The following SMYD3 variants were observed in gnomAD, a reference collection of about 807,000 sequenced individuals.
SMYD3 encodes the protein histone-lysine N-methyltransferase SMYD3.
Under a neutral mutation model 57.7 loss-of-function variants are expected in SMYD3, and 36 were observed. That is an observed-to-expected ratio of 0.62 (90% confidence interval 0.48 to 0.82). The LOEUF (loss-of-function observed/expected upper bound fraction) is 0.82, where lower values mean the gene tolerates loss of function less well. Among genes scored for constraint, SMYD3 ranks in the 40% least tolerant of loss-of-function variants. The pLI is 0.00. For synonymous variants in SMYD3, 211 were observed against 195.0 expected (o/e 1.08, Z -0.68); for missense variants, 515 against 538.8 (o/e 0.96, Z 0.44).
intron 1 of SMYD3, among the ~76,000 whole-genome samples, chr1:246,447,092 T>G (rs2067560642): frequency 1.3e-5 from 2 of 152,182 alleles, no homozygotes; most frequent in Non-Finnish European, 1.5e-5. Context: ...AGAGCAAGTT[T>G]TATATTTTAA....
At chr1:246,445,583 T>C (rs2103024231) in intron 1 of SMYD3, among the ~76,000 whole-genome samples, 2 of 152,018 alleles carry the variant, frequency 1.3e-5, no homozygotes, top group Non-Finnish European at 2.9e-5. Flanking sequence ...ATGCCCGGGG[T>C]CTAAAAACAT....
chr1:246,425,202 G>A (rs376612303), intron 1 of SMYD3, among the ~76,000 whole-genome samples: 5 of 152,018 alleles, frequency 3.3e-5, no homozygotes, highest in Admixed American at 1.3e-4. Context: ...AAGCACATGC[G>A]GTGAGTGGTA....
At chr1:246,069,251 G>A (rs2060401460) in intron 5 of SMYD3, among the ~76,000 whole-genome samples, 1 of 152,132 alleles carries the variant, frequency 6.6e-6, no homozygotes, top group Admixed American at 6.6e-5. Context: ...AAATCAAAAT[G>A]TTTTAATTTG....
chr1:246,397,627 G>C (rs1250559350), intron 1 of SMYD3, among the ~76,000 whole-genome samples: 1 of 152,128 alleles, frequency 6.6e-6, no homozygotes. Context: ...GGTTCTTCTT[G>C]CCTGCTGCAC....
intron 5 of SMYD3, among the ~76,000 whole-genome samples, chr1:246,205,622 C>T (rs978805441): frequency 2.6e-5 from 4 of 151,698 alleles, no homozygotes; most frequent in African/African-American, 9.8e-5. Flanking sequence ...GAGTTTGAGA[C>T]CAGTCTGGCC....
chr1:246,495,960 C>T (rs1388124409), intron 1 of SMYD3, among the ~76,000 whole-genome samples: 1 of 117,310 alleles, frequency 8.5e-6, no homozygotes. Flanking sequence ...GAGACTTCAC[C>T]TCAAAAAATA....
At chr1:246,103,382 CT>C (rs982384753) in intron 5 of SMYD3, among the ~76,000 whole-genome samples, 2 of 151,974 alleles carry the variant, frequency 1.3e-5, no homozygotes, top group Non-Finnish European at 2.9e-5. Context: ...CAAAAATTAT[CT>C]GTATCTTCAT....
At chr1:246,427,746 C>T (rs1354802515) in intron 1 of SMYD3, among the ~76,000 whole-genome samples, 2 of 151,738 alleles carry the variant, frequency 1.3e-5, no homozygotes, top group Admixed American at 1.3e-4. Flanking sequence ...CCCAGCTGCT[C>T]AGGAAGCTGA....
chr1:245,929,959 T>C, intron 5 of SMYD3, 22 bp from the exon 6 acceptor site: 1 of 1,601,538 alleles, frequency 6.2e-7, no homozygotes, highest in Non-Finnish European at 8.6e-7. Context: ...AGGGGAACCA[T>C]CAGTATTACT....
In SMYD3 at chr1:246,433,408, C is replaced by A. The variant is rs532458494; in HGVS notation, c.164+73646G>T. On this transcript the variant is annotated intron_variant, in intron 1 of 11. Coordinates refer to ENST00000490107, the MANE Select transcript of SMYD3 (RefSeq NM_001167740.2). ...ACTCGCGGTGGCTCACGCCTGTAAT[C>A]CCAGCACTTTGGGAGGCCAAGGTGG... Among the ~76,000 whole-genome samples, 11 of 152,296 alleles carry A rather than the reference C, an allele frequency of 7.2e-5. No homozygotes were observed. The East Asian group carries it at 7.7e-4, about 11-fold the overall frequency.
chr1:246,055,664 A>T (rs2060139434), intron 5 of SMYD3, among the ~76,000 whole-genome samples: 2 of 152,218 alleles, frequency 1.3e-5, no homozygotes, highest in Admixed American at 1.3e-4. Context: ...ATGCAATATT[A>T]TTCAGCCTTA....
intron 5 of SMYD3, among the ~76,000 whole-genome samples, chr1:246,040,457 G>T (rs2059849431): frequency 6.6e-6 from 1 of 152,218 alleles, no homozygotes; most frequent in Admixed American, 6.5e-5. Context: ...TCTCTTAGAA[G>T]AAGTATCTCA....
intron 10 of SMYD3, among the ~76,000 whole-genome samples, chr1:245,779,051 T>C (rs905273524): frequency 6.6e-6 from 1 of 151,414 alleles, no homozygotes; most frequent in African/African-American, 2.4e-5. Flanking sequence ...TCCCAGCTAA[T>C]TGAGAGGATG....
chr1:245,868,896 A>C (rs1162264481), intron 8 of SMYD3, among the ~76,000 whole-genome samples: 1 of 152,216 alleles, frequency 6.6e-6, no homozygotes. Flanking sequence ...ACAGGTGTAT[A>C]AACAGGACAG....
At chr1:246,002,660 G>C (rs111364609) in intron 5 of SMYD3, among the ~76,000 whole-genome samples, 60,757 of 62,894 alleles carry the variant, frequency 0.97, 29,345 homozygotes, top group East Asian at 0.98. Context: ...CACCATGTTA[G>C]CCAGGATGGT....
At chr1:245,995,760 G>A (rs934149609) in intron 5 of SMYD3, among the ~76,000 whole-genome samples, 1 of 152,188 alleles carries the variant, frequency 6.6e-6, no homozygotes, top group African/African-American at 2.4e-5. Flanking sequence ...AACTTCCCCA[G>A]GAGGGGGATT....
At chr1:245,781,294 C>T (rs2046816323) in intron 10 of SMYD3, among the ~76,000 whole-genome samples, 2 of 152,160 alleles carry the variant, frequency 1.3e-5, no homozygotes. Context: ...GAGACAGATA[C>T]TATTATTGTT....
chr1:246,013,515 G>A (rs78149910), intron 5 of SMYD3, among the ~76,000 whole-genome samples: 8,950 of 152,184 alleles, frequency 0.059, 289 homozygotes, highest in African/African-American at 0.068. Flanking sequence ...GTACTCTGTG[G>A]TTTCTAGCCT....
intron 10 of SMYD3, among the ~76,000 whole-genome samples, chr1:245,784,792 A>G (rs1162404650): frequency 1.3e-5 from 2 of 151,744 alleles, no homozygotes; most frequent in African/African-American, 4.8e-5. Flanking sequence ...TAGCAGTTAC[A>G]AGAGCTTCAT....
Sources: allele counts gnomAD v4.1 joint callset (sites outside exome capture counted in the v4.1 genomes callset), GRCh38; gene constraint gnomAD v4.1.1; transcripts MANE v1.5; gene names NCBI Gene and HGNC (gene_info 2026-07-23, HGNC 2026-07-21).